The following AP3B2 variants were observed in gnomAD, a reference collection of about 807,000 sequenced individuals.
The protein encoded by AP3B2 is adaptor related protein complex 3 subunit beta 2, also known as AP-3 complex subunit beta-2.
Under a neutral mutation model 126.9 loss-of-function variants are expected in AP3B2, and 50 were observed. The observed-to-expected ratio is 0.39, with a 90% confidence interval of 0.31 to 0.50. The LOEUF (loss-of-function observed/expected upper bound fraction) is 0.50, where lower values mean the gene tolerates loss of function less well. Ranked by LOEUF, AP3B2 falls within the 20% of genes least tolerant of loss-of-function variation. AP3B2 has a pLI of 0.79. For missense variants in AP3B2, 1,177 were observed against 1,426.4 expected, an observed-to-expected ratio of 0.83 and a Z score of 2.82; for synonymous variants, 541 against 565.0, an observed-to-expected ratio of 0.96 and a Z score of 0.60.
At position 82,665,913 on chromosome 15, in the gene AP3B2, G is replaced by A. The variant is rs1461877565; in HGVS notation, c.1853-338C>T. 6.6e-6 allele frequency among the ~76,000 whole-genome samples: 1 copy of A among 152,308 alleles called. No homozygotes were observed. On this transcript the variant is annotated intron_variant, in intron 15 of 26. Transcript: ENST00000535359. The surrounding 1 kb of genome is among the most constrained non-coding windows in gnomAD (Gnocchi z 4.4). ...GGCTCTGGACTCAGCAGGGAGGGAT[G>A]AACAGTCAGAGCATGAGTGTGTAGA...
chr15:82,666,634 C>G (rs1308683853), intron 15 of AP3B2, 113 bp downstream of exon 15: 52 of 1,197,902 alleles, frequency 4.3e-5, no homozygotes, highest in Non-Finnish European at 5.3e-5. Flanking sequence ...GGGAGCAGGA[C>G]TGTCCACAGA....
intron 1 of AP3B2, among the ~76,000 whole-genome samples, chr15:82,704,578 C>A (rs2048767681): frequency 6.6e-6 from 1 of 152,240 alleles, no homozygotes; most frequent in Non-Finnish European, 1.5e-5. Context: ...GCCCAGGATT[C>A]TTCCTAAGCC....
At chr15:82,699,061 G>C (rs2048675110) in intron 1 of AP3B2, among the ~76,000 whole-genome samples, 1 of 152,130 alleles carries the variant, frequency 6.6e-6, no homozygotes, top group South Asian at 2.1e-4. Flanking sequence ...ACACCCTAAG[G>C]CCATGAAACA....
In AP3B2 at chr15:82,665,864, C is replaced by T. The variant is rs1226580484; in HGVS notation, c.1853-289G>A. On this transcript the variant is annotated intron_variant, in intron 15 of 26. Transcript: ENST00000535359. This position sits in a 1 kb window ranked among gnomAD's most constrained non-coding sequence, Gnocchi z 4.4. ...GGGCCCACAGATGCTGCCGACCTGT[C>T]TGCTCAGCATGCACGTCTAGTCAGG... Among the ~76,000 whole-genome samples the T allele has an allele frequency of 6.6e-6, 1 of 152,212 alleles. No individual in the cohort carries two copies. The highest frequency in any genetic ancestry group is 2.4e-5 in the African/African-American group (1 of 41,444).
At chr15:82,697,444 A>G (rs1316653925) in intron 1 of AP3B2, among the ~76,000 whole-genome samples, 1 of 152,238 alleles carries the variant, frequency 6.6e-6, no homozygotes, top group African/African-American at 2.4e-5. Flanking sequence ...AGGAGAGGAA[A>G]GAGCATGATA....
At chr15:82,675,109 T>C (rs916620395) in intron 14 of AP3B2, among the ~76,000 whole-genome samples, 3 of 152,216 alleles carry the variant, frequency 2.0e-5, no homozygotes, top group Admixed American at 2.0e-4. Flanking sequence ...TTTCAACGAT[T>C]GAACGCTTCC....
In AP3B2 at chr15:82,661,807, C is replaced by G; in HGVS notation, c.3016+18G>C. The G allele has an allele frequency of 1.2e-6, 2 of 1,600,060 alleles. No individual in the cohort carries two copies. The highest frequency in any genetic ancestry group is 1.7e-6 in the Non-Finnish European group (2 of 1,170,892). On this transcript the variant is annotated intron_variant, in intron 25 of 26. Coordinates refer to ENST00000535359, the MANE Select transcript of AP3B2 (RefSeq NM_001278512.2). ...GCTTCTATACTTCCCTCTCTGCCCA[C>G]TCCCAGGGAGCACTCACCCTGTTCC...
chr15:82,671,912 C>T (rs1173406574), intron 14 of AP3B2, among the ~76,000 whole-genome samples: 4 of 151,904 alleles, frequency 2.6e-5, no homozygotes, highest in Non-Finnish European at 4.4e-5. Context: ...GACTTGGTGG[C>T]GGGCGCCTGT....
At chr15:82,689,993 T>C (rs2048498516) in intron 1 of AP3B2, 1 of 154,932 alleles carries the variant, frequency 6.5e-6, no homozygotes, top group Non-Finnish European at 1.4e-5. Flanking sequence ...GACAGCCACT[T>C]AAAGAGACAG....
intron 1 of AP3B2, among the ~76,000 whole-genome samples, chr15:82,705,630 G>A (rs753626882): frequency 5.1e-4 from 77 of 152,288 alleles, no homozygotes; most frequent in Non-Finnish European, 7.9e-4. Flanking sequence ...AGGCTTCACG[G>A]ACAGCCCCCA....
chr15:82,706,830 A>G (rs1476219759), intron 1 of AP3B2, among the ~76,000 whole-genome samples: 1 of 152,184 alleles, frequency 6.6e-6, no homozygotes, highest in African/African-American at 2.4e-5. Context: ...CCTCAAGGAA[A>G]TCACTTCTCA....
Position 82,659,933 on chromosome 15 carries a change from T to C in AP3B2, c.3067A>G (p.Thr1023Ala). ...ACCACAATGTGGTCACTCCGACAGG[T>C]GTCTGGCAGCATGAGTTTCTCTGTG... ...EITEKLMLPD[T>A]CRSDHIVVQK... is the part of the protein sequence containing the mutation. Residue 1023 changes from threonine (T) to alanine (A), a missense_variant, in exon 26 of 27, where the codon ACC (threonine) becomes GCC (alanine). Thr to Ala is a moderately conservative substitution (Grantham distance 58). This residue lies in a region of AP3B2 where 587 missense variants were observed against 571.3 expected (regional missense o/e 1.03). Coordinates refer to ENST00000535359, the MANE Select transcript of AP3B2 (RefSeq NM_001278512.2). The C allele has an allele frequency of 6.2e-7, 1 of 1,613,942 alleles. No individual in the cohort carries two copies. Among genetic ancestry groups the C allele is most frequent in the Non-Finnish European group, 8.5e-7 (1 of 1,179,872 alleles).
At chr15:82,660,300 G>C (rs531555566) in intron 25 of AP3B2, among the ~76,000 whole-genome samples, 11 of 152,110 alleles carry the variant, frequency 7.2e-5, no homozygotes, top group Admixed American at 7.2e-4. Flanking sequence ...TTCTTAAGAG[G>C]TTCGCCCATC....
At chr15:82,675,116 T>C (rs1259217176) in intron 14 of AP3B2, among the ~76,000 whole-genome samples, 2 of 152,296 alleles carry the variant, frequency 1.3e-5, no homozygotes, top group Middle Eastern at 3.4e-3. Flanking sequence ...GATTGAACGC[T>C]TCCCCATGGT....
At position 82,664,876 on chromosome 15, in the gene AP3B2, T is replaced by TC. The variant is rs1391900515; in HGVS notation, c.2095dup (p.Asp699GlyfsTer3). 6.2e-7 allele frequency: 1 copy of TC among 1,604,550 alleles called. No homozygotes were observed. Among genetic ancestry groups the TC allele is most frequent in the Admixed American group, 1.7e-5 (1 of 58,714 alleles). On this transcript the variant is annotated frameshift_variant, in exon 18 of 27. Coordinates refer to ENST00000535359, the MANE Select transcript of AP3B2 (RefSeq NM_001278512.2). LOFTEE classifies it high-confidence loss of function. The surrounding 1 kb of genome is among the most constrained non-coding windows in gnomAD (Gnocchi z 4.5). ...CGTGGGGCCTGACTCCCCCTCAGAG[T>TC]CCGAGTAGAAGGGTTTTTCCTTCTC...
At position 82,680,975 on chromosome 15, in the gene AP3B2, C is replaced by T. The variant is rs2048329257; in HGVS notation, c.633G>A (p.Pro211=). ...SVVMAFEEVC[P]ERIDLIHKNY... ...TTTTGTGAATCAGGTCGATGCGCTC[C>T]GGGCAGACCTCCTCAAAGGCCATCA... is the stretch of plus-strand genomic sequence containing the variant. The change falls in exon 7 of 27, where the codon CCG becomes CCA. Residue 211 remains proline, a synonymous_variant. Transcript: ENST00000535359. This position sits in a 1 kb window ranked among gnomAD's most constrained non-coding sequence, Gnocchi z 6.1. The T allele has an allele frequency of 4.3e-6, 7 of 1,613,758 alleles. No individual in the cohort carries two copies. The highest frequency in any genetic ancestry group is 1.6e-4 in the Middle Eastern group (1 of 6,084).
At position 82,665,463 on chromosome 15, in the gene AP3B2, G is replaced by A. The variant is rs767599789; in HGVS notation, c.1965C>T (p.Asn655=). 10 of 1,609,648 alleles carry A rather than the reference G, an allele frequency of 6.2e-6. No individual in the cohort carries two copies. Among genetic ancestry groups the A allele is most frequent in the South Asian group, 1.1e-5 (1 of 90,924 alleles). Residue 655 remains asparagine, a synonymous_variant, in exon 16 of 27, where the codon AAC becomes AAT. Transcript: ENST00000535359. The surrounding 1 kb of genome is among the most constrained non-coding windows in gnomAD (Gnocchi z 4.4). ...AACCCTCCACCCCGCTGACCTCCAC[G>A]TTGCGCACAGATGGGTCTGGGGCTT... ...PEEAPDPSVR[N]VEEEDLSLIE...
At chr15:82,704,087 C>T (rs753512352) in intron 1 of AP3B2, among the ~76,000 whole-genome samples, 24 of 152,136 alleles carry the variant, frequency 1.6e-4, no homozygotes, top group African/African-American at 4.8e-4. Flanking sequence ...TCAAGGTTAA[C>T]GCTCCTTTTC....
In AP3B2 at chr15:82,696,296, G is replaced by A. The variant is rs557938419; in HGVS notation, c.114-6843C>T. ...ATTAAAGTTTAATATTCGAAATAGA[G>A]GCCAGGTGTGGTGGCTCACGCTTGT... On this transcript the variant is annotated intron_variant, in intron 1 of 26. Transcript: ENST00000535359. Among the ~76,000 whole-genome samples the A allele has an allele frequency of 1.3e-3, 200 of 152,124 alleles. 2 individuals carry two copies. The highest frequency in any genetic ancestry group is 2.2e-3 in the Non-Finnish European group (148 of 68,012).
Sources: allele counts gnomAD v4.1 joint callset (sites outside exome capture counted in the v4.1 genomes callset), GRCh38; gene constraint gnomAD v4.1.1; regional missense constraint gnomAD v4.1.1; non-coding constraint Gnocchi (gnomAD v3.1); transcripts MANE v1.5; gene names NCBI Gene and HGNC (gene_info 2026-07-23, HGNC 2026-07-21).